DAB1: variants seen among roughly 807,000 people sequenced by gnomAD.
DAB1 encodes the protein disabled homolog 1.
In DAB1, 15 loss-of-function variants were observed where a neutral mutation model predicts 64.6. The observed-to-expected ratio is 0.23, with a 90% CI of 0.16 to 0.36. DAB1 has a LOEUF of 0.36. Among genes scored for constraint, DAB1 ranks in the 10% least tolerant of loss-of-function variants. The pLI is 1.00. For synonymous variants in DAB1, 235 were observed against 251.9 expected (o/e 0.93, Z 0.64); for missense variants, 596 against 706.7 (o/e 0.84, Z 1.78).
chr1:57,899,259 G>T (rs1644438244), intron 5 of DAB1, among the ~76,000 whole-genome samples: 1 of 152,064 alleles, frequency 6.6e-6, no homozygotes, highest in Non-Finnish European at 1.5e-5. Context: ...TGAAATAGAA[G>T]CTGTCTCATA....
At chr1:58,021,979 C>T (rs760349093) in intron 5 of DAB1, among the ~76,000 whole-genome samples, 9 of 152,168 alleles carry the variant, frequency 5.9e-5, no homozygotes, top group Admixed American at 6.5e-5. Context: ...CTATTCCTGA[C>T]CATCTGGGAA....
chr1:57,131,821 G>A (rs1459879205), intron 4 of DAB1, among the ~76,000 whole-genome samples: 3 of 152,050 alleles, frequency 2.0e-5, no homozygotes, highest in Admixed American at 6.6e-5. Context: ...GTCATTTTGT[G>A]TACATTTGCT....
intron 1 of DAB1, among the ~76,000 whole-genome samples, chr1:57,371,287 T>A (rs1474112036): frequency 6.6e-6 from 1 of 152,180 alleles, no homozygotes; most frequent in Non-Finnish European, 1.5e-5. Flanking sequence ...TCACTGACTG[T>A]TGAAATCGCC....
Position 57,291,074 on chromosome 1 carries a change from G to A in DAB1, c.-44C>T, listed in dbSNP as rs771615695. On this transcript the variant is annotated 5_prime_UTR_variant, in exon 2 of 15. Transcript: ENST00000371236. The stretch of plus-strand genomic sequence containing the variant: ...CACTTCACACAGATCCCGGGCCTCG[G>A]CCAGGCTCATTGAGGACTCTTCTCC... 1.2e-5 allele frequency: 17 copies of A among 1,445,384 alleles called. 1 individual carries two copies. In the South Asian group the frequency reaches 1.6e-4, roughly 14 times the overall value. 89.5% of individuals were successfully genotyped at this position (1,445,384 alleles called of 1,614,324 possible).
intron 2 of DAB1, among the ~76,000 whole-genome samples, chr1:57,288,032 G>C (rs1336619229): frequency 6.6e-6 from 1 of 152,140 alleles, no homozygotes; most frequent in Non-Finnish European, 1.5e-5. Context: ...CTGACTTCAA[G>C]TGTTCTGCCT....
At chr1:57,072,612 C>A (rs1490944320) in intron 4 of DAB1, among the ~76,000 whole-genome samples, 198 bp from the exon 5 acceptor site, 1 of 152,146 alleles carries the variant, frequency 6.6e-6, no homozygotes. Context: ...ATGCTGTGAC[C>A]AGAGAGAAAC....
intron 7 of DAB1, among the ~76,000 whole-genome samples, chr1:57,611,128 CTTTT>C (rs5774360): frequency 6.3e-5 from 7 of 111,970 alleles, no homozygotes; most frequent in Admixed American, 9.8e-5. Flanking sequence ...CGTGCAGTGG[CTTTT>C]TTTTTTTTTT....
At chr1:58,180,214 TC>T (rs1338790809) in intron 4 of DAB1, among the ~76,000 whole-genome samples, 2 of 151,488 alleles carry the variant, frequency 1.3e-5, no homozygotes, top group African/African-American at 4.9e-5. Context: ...CTATTATTTT[TC>T]TAGTTTTTTT....
chr1:57,163,853 A>G (rs1409349282), intron 2 of DAB1, among the ~76,000 whole-genome samples: 1 of 152,154 alleles, frequency 6.6e-6, no homozygotes, highest in East Asian at 1.9e-4. Flanking sequence ...GTCACTTCCT[A>G]ATACAAAGGC....
intron 6 of DAB1, among the ~76,000 whole-genome samples, chr1:57,671,329 G>A (rs972287700): frequency 6.6e-6 from 1 of 152,024 alleles, no homozygotes; most frequent in African/African-American, 2.4e-5. Context: ...GTAGTTACTT[G>A]TATAACCATG....
chr1:57,335,314 C>T (rs1570306649), intron 1 of DAB1, among the ~76,000 whole-genome samples: 2 of 151,768 alleles, frequency 1.3e-5, no homozygotes, highest in South Asian at 2.1e-4. Flanking sequence ...GGTCTTCAAT[C>T]ATTTGGAAAT....
chr1:57,807,692 T>G (rs990302305), intron 6 of DAB1, among the ~76,000 whole-genome samples: 1 of 152,164 alleles, frequency 6.6e-6, no homozygotes. Flanking sequence ...AAAATTTTTT[T>G]TCAATAAAAG....
At chr1:58,417,748 G>A (rs1644734736) in intron 3 of DAB1, among the ~76,000 whole-genome samples, 1 of 152,148 alleles carries the variant, frequency 6.6e-6, no homozygotes. Flanking sequence ...TTAGTGCAGT[G>A]GCCTAGGCAC....
chr1:57,892,447 C>T (rs540829388), intron 5 of DAB1, among the ~76,000 whole-genome samples: 333 of 152,294 alleles, frequency 2.2e-3, no homozygotes, highest in African/African-American at 7.7e-3. Flanking sequence ...TTTATGAACC[C>T]ATTTAATCAG....
intron 9 of DAB1, among the ~76,000 whole-genome samples, chr1:57,058,788 C>A (rs1650091855): frequency 6.6e-6 from 1 of 152,184 alleles, no homozygotes; most frequent in Non-Finnish European, 1.5e-5. Flanking sequence ...GATTCAAACC[C>A]CGGTATCTCT....
At chr1:57,921,047 T>G (rs1336840454) in intron 5 of DAB1, among the ~76,000 whole-genome samples, 1 of 152,224 alleles carries the variant, frequency 6.6e-6, no homozygotes, top group African/African-American at 2.4e-5. Context: ...ACGACCTTAA[T>G]GATGTTCATT....
At chr1:57,729,894 CTAAAA>C (rs1014824273) in intron 6 of DAB1, among the ~76,000 whole-genome samples, 1 of 148,006 alleles carries the variant, frequency 6.8e-6, no homozygotes, top group African/African-American at 2.6e-5. Flanking sequence ...GACCCCATCT[CTAAAA>C]TAAAATAAAA....
intron 3 of DAB1, among the ~76,000 whole-genome samples, chr1:58,473,370 G>A (rs964586253): frequency 1.3e-4 from 19 of 151,252 alleles, no homozygotes; most frequent in East Asian, 5.9e-4. Flanking sequence ...GTGAAACCCC[G>A]TCTCTACTAA....
chr1:57,985,659 A>T (rs77899508), intron 5 of DAB1, among the ~76,000 whole-genome samples: 1 of 145,092 alleles, frequency 6.9e-6, no homozygotes, highest in Non-Finnish European at 1.5e-5. Flanking sequence ...AAAAAAAAAA[A>T]TGGCTGTGAG....
Sources: gnomAD v4.1 joint callset for allele counts (sites outside exome capture counted in the v4.1 genomes callset) on GRCh38, gnomAD v4.1.1 for gene constraint, MANE v1.5 for transcripts, NCBI Gene and HGNC (gene_info 2026-07-23, HGNC 2026-07-21) for gene names.